PLCG2: variants seen among roughly 807,000 people sequenced by gnomAD.
PLCG2 encodes phospholipase C gamma 2.
PLCG2 carries 69 observed loss-of-function variants against 175.6 expected under a neutral mutation model. The ratio of observed to expected loss-of-function variants is 0.39; its 90% CI spans 0.32 to 0.48. The LOEUF is 0.48. PLCG2 is among the 20% of genes least tolerant of loss of function. The pLI, the probability that PLCG2 is intolerant of heterozygous loss-of-function variation, is 0.91. For missense variants in PLCG2, 1,798 were observed against 1,650.9 expected (o/e 1.09, Z -1.54); for synonymous variants, 827 against 624.0 (o/e 1.33, Z -4.85).
chr16:81,848,612 C>G (rs1270686702), intron 2 of PLCG2, among the ~76,000 whole-genome samples: 1 of 152,142 alleles, frequency 6.6e-6, no homozygotes, highest in Non-Finnish European at 1.5e-5. Context: ...GTCCTTCTTC[C>G]TCTCTGTCCC....
At chr16:81,891,313 C>T (rs1294574107) in intron 10 of PLCG2, among the ~76,000 whole-genome samples, 159 bp from the exon 11 acceptor site, 1 of 152,194 alleles carries the variant, frequency 6.6e-6, no homozygotes, top group Non-Finnish European at 1.5e-5. Context: ...CAGCCTGAGC[C>T]TTCGGTATTG....
intron 1 of PLCG2, among the ~76,000 whole-genome samples, chr16:81,744,658 G>T (rs1036699521): frequency 6.6e-6 from 1 of 151,884 alleles, no homozygotes; most frequent in African/African-American, 2.4e-5. Context: ...CTGCAGCCTT[G>T]ACCTCCTGGG....
intron 9 of PLCG2, among the ~76,000 whole-genome samples, chr16:81,886,700 C>G: frequency 6.6e-6 from 1 of 151,984 alleles, no homozygotes. Context: ...ACTGGGACCA[C>G]TTACTTAATG....
intron 1 of PLCG2, among the ~76,000 whole-genome samples, chr16:81,745,019 T>C (rs1455631492): frequency 6.6e-6 from 1 of 152,202 alleles, no homozygotes; most frequent in Non-Finnish European, 1.5e-5. Flanking sequence ...AAAATAATGT[T>C]ATGCAGTGGA....
intron 9 of PLCG2, among the ~76,000 whole-genome samples, chr16:81,888,163 A>G (rs1908459296): frequency 6.6e-6 from 1 of 152,192 alleles, no homozygotes; most frequent in Admixed American, 6.5e-5. Context: ...AAGTGAGATG[A>G]CCATAGGAGG....
At chr16:81,831,428 C>A (rs1299163522) in intron 2 of PLCG2, among the ~76,000 whole-genome samples, 1 of 152,204 alleles carries the variant, frequency 6.6e-6, no homozygotes, top group African/African-American at 2.4e-5. Flanking sequence ...AGGCACTGCA[C>A]TAAGCACTTG....
At chr16:81,778,958 G>T (rs1198372781), upstream of PLCG2, among the ~76,000 whole-genome samples, 1 of 152,214 alleles carries the variant, frequency 6.6e-6, no homozygotes, top group East Asian at 1.9e-4. Flanking sequence ...CGGGCGCCCG[G>T]CCGGGAGTGT....
chr16:81,821,735 T>G (rs984003651), intron 2 of PLCG2, among the ~76,000 whole-genome samples: 9 of 152,164 alleles, frequency 5.9e-5, no homozygotes, highest in Non-Finnish European at 1.5e-5. Flanking sequence ...AAATAGATCT[T>G]TCTCCGCTAA....
At chr16:81,868,700 AT>A (rs1390189443) in intron 5 of PLCG2, among the ~76,000 whole-genome samples, 1 of 152,180 alleles carries the variant, frequency 6.6e-6, no homozygotes, top group Non-Finnish European at 1.5e-5. Flanking sequence ...CAACACCTAT[AT>A]TGGGCCTTTG....
chr16:81,887,361 C>T (rs147587654), intron 9 of PLCG2, among the ~76,000 whole-genome samples: 3 of 152,234 alleles, frequency 2.0e-5, no homozygotes, highest in Admixed American at 6.5e-5. Context: ...CCTCATGATC[C>T]GCCCACCTCG....
intron 7 of PLCG2, among the ~76,000 whole-genome samples, chr16:81,872,503 T>C (rs994262617): frequency 6.6e-6 from 1 of 152,202 alleles, no homozygotes; most frequent in Admixed American, 6.5e-5. Flanking sequence ...CAGCTCATTT[T>C]CTGTGATATG....
chr16:81,874,387 G>A (rs1907666355), intron 7 of PLCG2, among the ~76,000 whole-genome samples: 1 of 152,138 alleles, frequency 6.6e-6, no homozygotes, highest in African/African-American at 2.4e-5. Flanking sequence ...CTCCAGTTTG[G>A]TCACTGCATT....
At position 81,889,253 on chromosome 16, in the gene PLCG2, C is replaced by G; in HGVS notation, c.847C>G (p.Pro283Ala). Residue 283 changes from proline (P) to alanine (A), a missense_variant, in exon 10 of 33, where the codon CCT (proline) becomes GCT (alanine). Physicochemically the swap from Pro to Ala is conservative, Grantham distance 27. Transcript: ENST00000564138. ...IDDTMRETAE[P>A]FLFVDEFLTY... ...TGACACCATGCGTGAAACTGCTGAG[C>G]CTTTCTTGTTTGTGGATGAGGTGAG... The G allele has an allele frequency of 6.2e-7, 1 of 1,600,814 alleles. No individual in the cohort carries two copies. The highest frequency in any genetic ancestry group is 8.5e-7 in the Non-Finnish European group (1 of 1,172,294).
intron 5 of PLCG2, among the ~76,000 whole-genome samples, chr16:81,866,018 G>T (rs1472227328): frequency 8.0e-5 from 11 of 137,858 alleles, no homozygotes; most frequent in Admixed American, 7.1e-4. Flanking sequence ...CTTTCTCCCA[G>T]GATGGGCTCC....
At chr16:81,771,017 C>T (rs1161122668) in intron 2 of PLCG2, among the ~76,000 whole-genome samples, 1 of 151,068 alleles carries the variant, frequency 6.6e-6, no homozygotes, top group East Asian at 1.9e-4. Context: ...GAGATTATGC[C>T]CCTGCACTCC....
At chr16:81,743,061 G>T (rs544572001) in intron 1 of PLCG2, among the ~76,000 whole-genome samples, 3 of 152,318 alleles carry the variant, frequency 2.0e-5, no homozygotes, top group African/African-American at 7.2e-5. Flanking sequence ...AGCACTTTGG[G>T]ATGCTGAAGT....
intron 6 of PLCG2, among the ~76,000 whole-genome samples, chr16:81,870,417 C>T (rs1043069958): frequency 3.9e-5 from 6 of 152,178 alleles, no homozygotes; most frequent in South Asian, 2.1e-4. Context: ...CCTATATGTA[C>T]GTACTCTACA....
At chr16:81,867,783 C>T (rs1284864825) in intron 5 of PLCG2, among the ~76,000 whole-genome samples, 8 of 152,036 alleles carry the variant, frequency 5.3e-5, no homozygotes, top group East Asian at 3.9e-4. Context: ...CTGCAAGCTC[C>T]GCCTCCCGAA....
Position 81,820,720 on chromosome 16 carries a change from A to G in PLCG2, c.194-33724A>G, listed in dbSNP as rs181619136. On this transcript the variant is annotated intron_variant, in intron 2 of 32. Transcript: ENST00000564138. The stretch of plus-strand genomic sequence containing the variant: ...ACTGCAGCTTCCGCCTCCCAGGTTC[A>G]AGCAATCCTCCCACCTCAGCCTCCT... Among the ~76,000 whole-genome samples the G allele has an allele frequency of 9.2e-3, 1,399 of 152,308 alleles. 18 individuals carry two copies. Among genetic ancestry groups the G allele is most frequent in the African/African-American group, 0.032 (1,330 of 41,566 alleles).
Sources: allele counts gnomAD v4.1 joint callset (sites outside exome capture counted in the v4.1 genomes callset), GRCh38; gene constraint gnomAD v4.1.1; transcripts MANE v1.5; gene names NCBI Gene and HGNC (gene_info 2026-07-23, HGNC 2026-07-21).